The following MECOM variants were observed in gnomAD, a reference collection of about 807,000 sequenced individuals.
The protein encoded by MECOM is histone-lysine N-methyltransferase MECOM.
In MECOM, 13 loss-of-function variants were observed where a neutral mutation model predicts 116.3. The observed-to-expected ratio is 0.11, with a 90% CI of 0.07 to 0.18. The LOEUF (loss-of-function observed/expected upper bound fraction) is 0.18, where lower values mean the gene tolerates loss of function less well. Among genes scored for constraint, MECOM ranks in the 10% least tolerant of loss-of-function variants. MECOM has a pLI of 1.00. For missense variants in MECOM, 1,299 were observed against 1,509.0 expected, an observed-to-expected ratio of 0.86 and a Z score of 2.31; for synonymous variants, 528 against 535.2, an observed-to-expected ratio of 0.99 and a Z score of 0.19.
At chr3:169,242,894 GC>G (rs1163681916) in intron 2 of MECOM, among the ~76,000 whole-genome samples, 2 of 133,928 alleles carry the variant, frequency 1.5e-5, no homozygotes, top group Admixed American at 1.5e-4. Flanking sequence ...TCCTTCCTTT[GC>G]CCCCTATAAT....
chr3:169,369,342 C>CTTTTTTTTTTT (rs10661629), intron 2 of MECOM, among the ~76,000 whole-genome samples: 11 of 86,972 alleles, frequency 1.3e-4, no homozygotes, highest in East Asian at 4.2e-4. Context: ...TGATTGCAGC[C>CTTTTTTTTTTT]TTTTTTTTTT....
intron 2 of MECOM, among the ~76,000 whole-genome samples, chr3:169,168,141 A>G (rs1743879872): frequency 6.6e-6 from 1 of 152,104 alleles, no homozygotes; most frequent in Non-Finnish European, 1.5e-5. Flanking sequence ...TTATTTAGAA[A>G]TGCTTTAGAT....
intron 1 of MECOM, among the ~76,000 whole-genome samples, chr3:169,494,206 A>G (rs1753535559): frequency 6.6e-6 from 1 of 152,048 alleles, no homozygotes; most frequent in South Asian, 2.1e-4. Context: ...TATTACCCAA[A>G]GGAAACACCT....
At chr3:169,189,190 C>A (rs576391323) in intron 2 of MECOM, among the ~76,000 whole-genome samples, 1 of 152,190 alleles carries the variant, frequency 6.6e-6, no homozygotes, top group South Asian at 2.1e-4. Context: ...CAGTTAATCA[C>A]ATTTTCACTA....
At chr3:169,100,787 C>G (rs924720970) in intron 12 of MECOM, 98 bp downstream of exon 12, 2 of 674,814 alleles carry the variant, frequency 3.0e-6, no homozygotes, top group Non-Finnish European at 2.0e-6. Flanking sequence ...AAAATTTAAA[C>G]TTTAATTATT....
intron 2 of MECOM, among the ~76,000 whole-genome samples, chr3:169,333,576 A>G (rs538032443): frequency 2.0e-5 from 3 of 152,280 alleles, no homozygotes; most frequent in South Asian, 4.1e-4. Context: ...TTGCCGAATA[A>G]AAGTTTCAGA....
At chr3:169,409,138 C>T (rs1024837605) in intron 1 of MECOM, among the ~76,000 whole-genome samples, 3 of 152,158 alleles carry the variant, frequency 2.0e-5, no homozygotes, top group Non-Finnish European at 2.9e-5. Flanking sequence ...ACAGTCAACT[C>T]ATTTATAAAG....
At chr3:169,085,916 T>G (rs1393486384) in intron 16 of MECOM, among the ~76,000 whole-genome samples, 2 of 152,206 alleles carry the variant, frequency 1.3e-5, no homozygotes, top group African/African-American at 4.8e-5. Flanking sequence ...CTATTGTTGG[T>G]CTCATCCATT....
At chr3:169,246,527 CTTT>C (rs11454849) in intron 2 of MECOM, among the ~76,000 whole-genome samples, 1 of 131,326 alleles carries the variant, frequency 7.6e-6, no homozygotes, top group Admixed American at 7.9e-5. Context: ...TACACATACA[CTTT>C]TTTTTTTTTT....
intron 1 of MECOM, among the ~76,000 whole-genome samples, chr3:169,529,997 G>A (rs539754143): frequency 6.6e-6 from 1 of 152,302 alleles, no homozygotes; most frequent in African/African-American, 2.4e-5. Context: ...TATGATAGGG[G>A]TTATAGCAGA....
intron 2 of MECOM, among the ~76,000 whole-genome samples, chr3:169,254,519 C>T (rs1756631128): frequency 6.6e-6 from 1 of 152,088 alleles, no homozygotes; most frequent in Non-Finnish European, 1.5e-5. Flanking sequence ...GTGATTTTTA[C>T]TATCTTAACA....
intron 1 of MECOM, among the ~76,000 whole-genome samples, chr3:169,485,516 TA>T (rs1226551718): frequency 1.2e-4 from 18 of 152,086 alleles, no homozygotes; most frequent in African/African-American, 3.6e-4. Context: ...TCTAGAAAGC[TA>T]AGACACTTTA....
At chr3:169,385,162 A>G (rs1733111294) in intron 1 of MECOM, among the ~76,000 whole-genome samples, 1 of 151,660 alleles carries the variant, frequency 6.6e-6, no homozygotes, top group African/African-American at 2.4e-5. Context: ...CCACTGGCAT[A>G]GCTTATCCCA....
rs116832866 is a variant in MECOM at position 169,635,174 on chromosome 3, G to A, written c.37+28162C>T. ...TTATGAATGGTGTGACTTTGGGGAA[G>A]TTACTGAACCTCTGCCCCTTTGTTT... On this transcript the variant is annotated intron_variant, in intron 1 of 16. Transcript: ENST00000651503. Among the ~76,000 whole-genome samples the A allele has an allele frequency of 8.5e-3, 1,292 of 152,314 alleles. 17 individuals carry two copies. The highest frequency in any genetic ancestry group is 0.029 in the African/African-American group (1,219 of 41,564).
Position 169,090,306 on chromosome 3 carries a change from T to G in MECOM, c.3165-70A>C, listed in dbSNP as rs2306280. The G allele has an allele frequency of 9.5e-4, 1,308 of 1,370,888 alleles. 31 individuals carry two copies. The East Asian group carries it at 0.028, about 29-fold the overall frequency. The allele number at this position is 1,370,888 out of a possible 1,614,324, so 84.9% of individuals were successfully genotyped here. On this transcript the variant is annotated intron_variant, in intron 14 of 16. Transcript: ENST00000651503. The stretch of plus-strand genomic sequence containing the variant: ...TTAAAATTGTAATTTGTTCCTTTAT[T>G]ATGTCTTCCCAACAACAGTTTAGAT...
intron 1 of MECOM, among the ~76,000 whole-genome samples, chr3:169,497,254 C>A (rs759779911): frequency 6.6e-6 from 1 of 152,150 alleles, no homozygotes; most frequent in Non-Finnish European, 1.5e-5. Context: ...TTGCCACAAC[C>A]TACTTCAGGT....
chr3:169,401,092 C>T (rs1470860027), intron 1 of MECOM, among the ~76,000 whole-genome samples: 1 of 152,180 alleles, frequency 6.6e-6, no homozygotes, highest in Non-Finnish European at 1.5e-5. Context: ...TAGATAGGCT[C>T]TCAGCTTTAA....
chr3:169,585,913 C>T (rs1253337694), intron 1 of MECOM, among the ~76,000 whole-genome samples: 2 of 152,170 alleles, frequency 1.3e-5, no homozygotes, highest in African/African-American at 4.8e-5. Flanking sequence ...ACATTCTTAG[C>T]AGGTGGTTCT....
intron 1 of MECOM, among the ~76,000 whole-genome samples, chr3:169,535,533 C>CA (rs1560404027): frequency 6.6e-6 from 1 of 152,188 alleles, no homozygotes; most frequent in Non-Finnish European, 1.5e-5. Flanking sequence ...GCACTCAACA[C>CA]AAAGGCCTTC....
Sources: allele counts gnomAD v4.1 joint callset (sites outside exome capture counted in the v4.1 genomes callset), GRCh38; gene constraint gnomAD v4.1.1; transcripts MANE v1.5; gene names NCBI Gene and HGNC (gene_info 2026-07-23, HGNC 2026-07-21).